Variants in OSBPL1A observed in about 807,000 individuals in gnomAD.
The protein encoded by OSBPL1A is oxysterol-binding protein-related protein 1.
A neutral mutation model predicts 137.1 loss-of-function variants in OSBPL1A; 80 were observed. The ratio of observed to expected loss-of-function variants is 0.58; its 90% CI spans 0.49 to 0.70. OSBPL1A has a LOEUF of 0.70. Among genes scored for constraint, OSBPL1A ranks in the 30% least tolerant of loss-of-function variants. The pLI is 0.00. For synonymous variants in OSBPL1A, 365 were observed against 389.7 expected (o/e 0.94, Z 0.75); for missense variants, 970 against 1,129.4 (o/e 0.86, Z 2.02).
chr18:24,185,775 T>G (rs1473524070), intron 18 of OSBPL1A, among the ~76,000 whole-genome samples: 1 of 152,168 alleles, frequency 6.6e-6, no homozygotes, highest in Non-Finnish European at 1.5e-5. Flanking sequence ...AAAAGTCTTT[T>G]GAAAAATAAA....
chr18:24,258,148 C>T (rs776970534), intron 15 of OSBPL1A, among the ~76,000 whole-genome samples: 6 of 152,106 alleles, frequency 3.9e-5, no homozygotes, highest in Non-Finnish European at 8.8e-5. Flanking sequence ...AAGCAGTATA[C>T]GGAAGAGATA....
intron 13 of OSBPL1A, among the ~76,000 whole-genome samples, chr18:24,310,432 CA>C (rs3039412): frequency 0.012 from 1,090 of 89,710 alleles, 6 homozygotes; most frequent in African/African-American, 0.033. Context: ...ACTAAAAATA[CA>C]AAAAAAAAAA....
chr18:24,279,250 T>TAAAAAAA (rs565359517), intron 15 of OSBPL1A, among the ~76,000 whole-genome samples: 1 of 125,396 alleles, frequency 8.0e-6, no homozygotes. Flanking sequence ...CCCATTTCTT[T>TAAAAAAA]AAAAAAAAAA....
rs201880387 is a variant in OSBPL1A, at chr18:24,256,964, C to CAAAAAAAAAAAAAAAAAAAAAA, written c.1282-17604_1282-17583dup. 6.8e-5 allele frequency among the ~76,000 whole-genome samples: 2 copies of CAAAAAAAAAAAAAAAAAAAAAA among 29,514 alleles called. 1 individual carries two copies. The highest frequency in any genetic ancestry group is 1.4e-4 in the Non-Finnish European group (2 of 14,698). The allele number at this position is 29,514 out of a possible 152,430, so 19.4% of individuals were successfully genotyped here. A position where few individuals can be genotyped will look rare whatever the true frequency, so the allele number is the denominator to read the frequency against. On this transcript the variant is annotated intron_variant, in intron 15 of 27. Transcript: ENST00000319481. ...GCTGATGAAAGAACTGAAGAGGATG[C>CAAAAAAAAAAAAAAAAAAAAAA]AAAAAAAAAAAAAAAAAAAAAAAAA... is the stretch of plus-strand genomic sequence containing the variant.
chr18:24,389,896 C>A (rs2045342230), intron 1 of OSBPL1A, among the ~76,000 whole-genome samples: 1 of 151,932 alleles, frequency 6.6e-6, no homozygotes, highest in African/African-American at 2.4e-5. Flanking sequence ...GACCCGAGAT[C>A]GCACCACTGC....
intron 11 of OSBPL1A, among the ~76,000 whole-genome samples, chr18:24,314,843 ATGCC>A (rs1468211344): frequency 2.6e-5 from 4 of 152,320 alleles, no homozygotes; most frequent in African/African-American, 9.6e-5. Context: ...TAAGCCATTT[ATGCC>A]AGAGGTTGCA....
At chr18:24,381,825 G>A (rs1011778692) in intron 1 of OSBPL1A, among the ~76,000 whole-genome samples, 2 of 151,762 alleles carry the variant, frequency 1.3e-5, no homozygotes, top group Admixed American at 6.6e-5. Flanking sequence ...GGCAGGCGTG[G>A]TGGTGGGCGC....
chr18:24,214,348 T>A lies in OSBPL1A; in HGVS notation c.1601+10694A>T, dbSNP rs181253798. Among the ~76,000 whole-genome samples the A allele has an allele frequency of 2.6e-3, 394 of 152,334 alleles. 3 individuals carry two copies. The highest frequency in any genetic ancestry group is 5.1e-3 in the Admixed American group (78 of 15,308). ...TCCCTAAAGGATTAACTAGGTCTCC[T>A]GCAGTGTGGAGCTCTCTAAGGAGCA... is the stretch of plus-strand genomic sequence containing the variant. On this transcript the variant is annotated intron_variant, in intron 17 of 27. Transcript: ENST00000319481.
At chr18:24,350,769 A>C (rs2091425099) in intron 4 of OSBPL1A, among the ~76,000 whole-genome samples, 1 of 152,184 alleles carries the variant, frequency 6.6e-6, no homozygotes, top group Non-Finnish European at 1.5e-5. Flanking sequence ...AGAAATCTAT[A>C]CATAGCCAAA....
intron 2 of OSBPL1A, among the ~76,000 whole-genome samples, chr18:24,374,148 T>G (rs190912001): frequency 6.6e-6 from 1 of 152,176 alleles, no homozygotes; most frequent in Non-Finnish European, 1.5e-5. Context: ...ATTTTTTTAT[T>G]TTTTAAATAT....
chr18:24,181,319 C>T (rs752250785), intron 18 of OSBPL1A, 40 bp from the exon 19 acceptor site: 5 of 1,596,322 alleles, frequency 3.1e-6, no homozygotes, highest in South Asian at 1.1e-5. Flanking sequence ...GTCCCATATA[C>T]ATAACAAACA....
At chr18:24,163,394 G>T in intron 27 of OSBPL1A, 113 bp from the exon 28 acceptor site, 1 of 723,200 alleles carries the variant, frequency 1.4e-6, no homozygotes, top group Non-Finnish European at 2.3e-6. Flanking sequence ...GTGAGTGAGG[G>T]ATAGTTCTAA....
At chr18:24,321,389 TG>T (rs1455560188) in intron 7 of OSBPL1A, among the ~76,000 whole-genome samples, 1 of 152,186 alleles carries the variant, frequency 6.6e-6, no homozygotes, top group African/African-American at 2.4e-5. Context: ...CTCGACCTCT[TG>T]GGCTCAAGTG....
At chr18:24,358,837 T>C (rs1178355067) in intron 4 of OSBPL1A, among the ~76,000 whole-genome samples, 1 of 152,148 alleles carries the variant, frequency 6.6e-6, no homozygotes, top group African/African-American at 2.4e-5. Flanking sequence ...CTCAAACTCC[T>C]GGGGCTCAAG....
chr18:24,216,481 T>G (rs1402983733), intron 17 of OSBPL1A, among the ~76,000 whole-genome samples: 1 of 152,206 alleles, frequency 6.6e-6, no homozygotes, highest in East Asian at 1.9e-4. Context: ...CACTCCAGCC[T>G]TGGCGACAGA....
intron 1 of OSBPL1A, 187 bp downstream of exon 1, chr18:24,397,468 G>A (rs1169076305): frequency 6.6e-6 from 1 of 152,290 alleles, no homozygotes; most frequent in Non-Finnish European, 1.5e-5. Context: ...AGCGGCCGCC[G>A]GGAAGCCGAG....
chr18:24,318,783 C>T lies in OSBPL1A; in HGVS notation c.652G>A (p.Gly218Ser), dbSNP rs77232958. ...ACAAGAATGTGTTTCATTTCAGCAC[C>T]CTGGGCAAGGTCAAGAGGTTTCTGA... is the stretch of plus-strand genomic sequence containing the variant. ...NDQKPLDLAQ[G>S]AEMKHILVGN... Residue 218 changes from glycine (G) to serine (S), a missense_variant, in exon 8 of 28, where the codon GGT becomes AGT. This residue lies in a region of OSBPL1A where 647 missense variants were observed against 672.6 expected (regional missense o/e 0.96). Transcript: ENST00000319481. 3.6e-5 allele frequency: 58 copies of T among 1,613,344 alleles called. No homozygotes were observed. The African/African-American group carries it at 6.5e-4, about 18-fold the overall frequency.
At position 24,239,351 on chromosome 18, in the gene OSBPL1A, T is replaced by A; in HGVS notation, c.1313A>T (p.Glu438Val). 1 of 1,614,036 alleles carries A rather than the reference T, an allele frequency of 6.2e-7. No individual in the cohort carries two copies. The highest frequency in any genetic ancestry group is 8.5e-7 in the Non-Finnish European group (1 of 1,179,956). ...TGCTTCTGACAAGATTTTGTTTTTT[T>A]CTTGCTCTTGTTCCAATTTAAAATT... The part of the protein sequence containing the change: ...VRNFKLEQEQ[E>V]KNKILSEALE... The change falls in exon 16 of 28, where the codon GAA (glutamate) becomes GTA (valine). Residue 438 changes from glutamate (E) to valine (V), a missense_variant. Around this residue, in one of 2 missense-constraint regions of OSBPL1A, gnomAD observed 647 missense variants for 672.6 expected, o/e 0.96. Transcript: ENST00000319481.
At chr18:24,303,062 A>T (rs2090433698) in intron 14 of OSBPL1A, among the ~76,000 whole-genome samples, 1 of 151,970 alleles carries the variant, frequency 6.6e-6, no homozygotes, top group Non-Finnish European at 1.5e-5. Context: ...GTGCACCGGC[A>T]TATTCTCAGC....
Sources: allele counts gnomAD v4.1 joint callset (sites outside exome capture counted in the v4.1 genomes callset), GRCh38; gene constraint gnomAD v4.1.1; regional missense constraint gnomAD v4.1.1; transcripts MANE v1.5; gene names NCBI Gene and HGNC (gene_info 2026-07-23, HGNC 2026-07-21).